The following TNRC6A variants were observed in gnomAD, a reference collection of about 807,000 sequenced individuals.
The protein encoded by TNRC6A is trinucleotide repeat containing adaptor 6A.
In TNRC6A, 44 loss-of-function variants were observed where a neutral mutation model predicts 221.2. The observed-to-expected ratio is 0.20, with a 90% CI of 0.16 to 0.26. The LOEUF is 0.26. Among genes scored for constraint, TNRC6A ranks in the 10% least tolerant of loss-of-function variants. TNRC6A has a pLI of 1.00. For missense variants in TNRC6A, 2,199 were observed against 2,404.4 expected (o/e 0.91, Z 1.79); for synonymous variants, 847 against 838.5 (o/e 1.01, Z -0.18).
At chr16:24,622,169 C>T (rs952052130) in intron 1 of TNRC6A, among the ~76,000 whole-genome samples, 12 of 152,010 alleles carry the variant, frequency 7.9e-5, no homozygotes, top group African/African-American at 2.9e-4. Context: ...TCTATAATCC[C>T]AACACTTTGA....
Position 24,777,221 on chromosome 16 carries a change from G to C in TNRC6A, c.452G>C (p.Arg151Thr). The C allele has an allele frequency of 6.2e-7, 1 of 1,614,180 alleles. No individual in the cohort carries two copies. Among genetic ancestry groups the C allele is most frequent in the Non-Finnish European group, 8.5e-7 (1 of 1,180,042 alleles). Residue 151 changes from arginine to threonine, a missense_variant, in exon 5 of 25, where the codon AGG becomes ACG. By Grantham distance (71) the Arg-to-Thr change is moderately conservative (BLOSUM62 -1). Coordinates refer to ENST00000395799, the MANE Select transcript of TNRC6A (RefSeq NM_014494.4). ...CAGGAACACAAACAGCTTCTAAAGA[G>C]GGGTCAGCATTTTCCTGTTATAGCA... is the stretch of plus-strand genomic sequence containing the variant. ...RHQEHKQLLK[R>T]GQHFPVIAAN...
chr16:24,697,719 A>G (rs1342939290), intron 2 of TNRC6A, among the ~76,000 whole-genome samples: 2 of 151,546 alleles, frequency 1.3e-5, no homozygotes, highest in Non-Finnish European at 1.5e-5. Flanking sequence ...TAAACCTTCA[A>G]CATCAGCATT....
chr16:24,651,538 C>CAAAAAAAAAA (rs768568973), intron 2 of TNRC6A, among the ~76,000 whole-genome samples: 3 of 48,774 alleles, frequency 6.2e-5, no homozygotes, highest in Non-Finnish European at 8.1e-5. Flanking sequence ...AACTCCATCT[C>CAAAAAAAAAA]AAAAAAAAAA....
At chr16:24,610,766 T>C (rs1433726422) in intron 1 of TNRC6A, among the ~76,000 whole-genome samples, 1 of 151,816 alleles carries the variant, frequency 6.6e-6, no homozygotes, top group Non-Finnish European at 1.5e-5. Context: ...CCTCCTAACC[T>C]CTCTCACCTC....
intron 2 of TNRC6A, among the ~76,000 whole-genome samples, chr16:24,696,349 A>C (rs1259811516): frequency 1.1e-3 from 12 of 10,814 alleles, no homozygotes; most frequent in African/African-American, 9.3e-3. Flanking sequence ...CTCCATCTCA[A>C]AAAAAAAAAA....
At position 24,657,878 on chromosome 16, in the gene TNRC6A, T is replaced by A. The variant is rs192749834; in HGVS notation, n.402+16869T>A. Among the ~76,000 whole-genome samples the A allele has an allele frequency of 5.1e-4, 78 of 152,234 alleles. 1 individual carries two copies. Among genetic ancestry groups the A allele is most frequent in the Non-Finnish European group, 6.9e-4 (47 of 68,020 alleles). The stretch of plus-strand genomic sequence containing the variant: ...GCCAAGTTATATGGTGAATGTTGCT[T>A]ACTAGTAGATTTCCTAAAACAGCAT... On this transcript the variant is annotated intron_variant and non_coding_transcript_variant, in intron 2 of 2. Coordinates refer to the TNRC6A transcript ENST00000566108.
intron 1 of TNRC6A, among the ~76,000 whole-genome samples, chr16:24,614,685 T>A (rs1900249975): frequency 6.6e-6 from 1 of 152,218 alleles, no homozygotes; most frequent in African/African-American, 2.4e-5. Context: ...ATGCCTTCAG[T>A]GTTCTAGGCA....
chr16:24,772,744 C>T (rs928048871), intron 4 of TNRC6A, among the ~76,000 whole-genome samples: 6 of 151,986 alleles, frequency 3.9e-5, no homozygotes, highest in African/African-American at 1.5e-4. Context: ...GATTGCACCA[C>T]AGCACTCCAG....
At chr16:24,663,905 A>G in intron 2 of TNRC6A, 2 of 456,614 alleles carry the variant, frequency 4.4e-6, no homozygotes, top group Non-Finnish European at 8.8e-6. Flanking sequence ...CAGGCAGAAT[A>G]TTTTAAGCCG....
upstream of TNRC6A, among the ~76,000 whole-genome samples, chr16:24,727,609 G>A (rs908784337): frequency 6.6e-6 from 1 of 151,120 alleles, no homozygotes; most frequent in Non-Finnish European, 1.5e-5. Context: ...ACCTAAAAAA[G>A]TCTAATAAAA....
chr16:24,784,251 C>T (rs1019743493), intron 5 of TNRC6A, among the ~76,000 whole-genome samples: 1 of 152,206 alleles, frequency 6.6e-6, no homozygotes, highest in Non-Finnish European at 1.5e-5. Flanking sequence ...ATCCTCCCGC[C>T]TCGGCCTCTC....
rs112595510 is a variant in TNRC6A at position 24,653,845 on chromosome 16, G to T, written n.402+12836G>T. ...CTTTAGACTAAAGGACTGTACTTTA[G>T]ATTGAAGACCTCTCTGAAGAGATAA... is the stretch of plus-strand genomic sequence containing the variant. On this transcript the variant is annotated intron_variant and non_coding_transcript_variant, in intron 2 of 2. Transcript: ENST00000566108. Among the ~76,000 whole-genome samples the T allele has an allele frequency of 1.6e-3, 244 of 152,014 alleles. 1 individual carries two copies. Among genetic ancestry groups the T allele is most frequent in the African/African-American group, 5.5e-3 (230 of 41,458 alleles).
At position 24,718,235 on chromosome 16, in the gene TNRC6A, C is replaced by T. The variant is rs72768662; in HGVS notation, n.403-32491C>T. Among the ~76,000 whole-genome samples, 1,473 of 152,292 alleles carry T rather than the reference C, an allele frequency of 9.7e-3. 13 individuals are homozygous for T. The highest frequency in any genetic ancestry group is 0.041 in the Middle Eastern group (12 of 294). On this transcript the variant is annotated intron_variant and non_coding_transcript_variant, in intron 2 of 2. Transcript: ENST00000566108. ...TGCCTGGATAAAATGAGTTATCTCA[C>T]GAGAGCATGTGAGATTCCAGCCCTA... is the stretch of plus-strand genomic sequence containing the variant.
chr16:24,777,250 A>C lies in TNRC6A; in HGVS notation c.481A>C (p.Asn161His). ...RGQHFPVIAA[N>H]LGSAVKVLNS... ...TCAGCATTTTCCTGTTATAGCAGCA[A>C]ACCTTGGATCTGCTGTTAAGGTGTT... The change falls in exon 5 of 25, where the codon AAC becomes CAC. Residue 161 changes from asparagine (N) to histidine (H), a missense_variant. Asn to His is a moderately conservative substitution (Grantham distance 68). Coordinates refer to ENST00000395799, the MANE Select transcript of TNRC6A (RefSeq NM_014494.4). The C allele has an allele frequency of 6.2e-7, 1 of 1,614,218 alleles. No homozygotes were observed. Among genetic ancestry groups the C allele is most frequent in the East Asian group, 2.2e-5 (1 of 44,886 alleles).
chr16:24,658,627 G>A (rs546122395), intron 2 of TNRC6A, among the ~76,000 whole-genome samples: 1 of 151,976 alleles, frequency 6.6e-6, no homozygotes, highest in East Asian at 1.9e-4. Flanking sequence ...CAAAGTGCTG[G>A]GATTACAGGT....
chr16:24,781,259 A>G (rs2057839792), intron 5 of TNRC6A, among the ~76,000 whole-genome samples: 1 of 151,666 alleles, frequency 6.6e-6, no homozygotes, highest in Non-Finnish European at 1.5e-5. Flanking sequence ...GGGTTTTGCC[A>G]TGTTGCCTAG....
intron 11 of TNRC6A, among the ~76,000 whole-genome samples, chr16:24,798,789 G>A (rs62032802): frequency 1.3e-5 from 2 of 152,204 alleles, no homozygotes; most frequent in Admixed American, 6.5e-5. Context: ...GTGTTAATCC[G>A]AGTCCAGTCA....
intron 5 of TNRC6A, chr16:24,778,291 T>C (rs917895486): frequency 1.0e-6 from 1 of 985,080 alleles, no homozygotes. Context: ...TGTGCTCTCT[T>C]TTATATACCA....
intron 2 of TNRC6A, among the ~76,000 whole-genome samples, chr16:24,703,888 AGCCTGGGCAACATG>A (rs1369194232): frequency 2.6e-5 from 4 of 151,810 alleles, no homozygotes; most frequent in African/African-American, 9.7e-5. Flanking sequence ...GTTCAAGACC[AGCCTGGGCAACATG>A]GCGAAACCCC....
Sources: gnomAD v4.1 joint callset for allele counts (sites outside exome capture counted in the v4.1 genomes callset) on GRCh38, gnomAD v4.1.1 for gene constraint, MANE v1.5 for transcripts, NCBI Gene and HGNC (gene_info 2026-07-23, HGNC 2026-07-21) for gene names.